The following MYO3B variants were observed in gnomAD, a reference collection of about 807,000 sequenced individuals.
MYO3B encodes the protein myosin-IIIb.
In MYO3B, 156 loss-of-function variants were observed where a neutral mutation model predicts 174.6. That is an observed-to-expected ratio of 0.89 (90% CI 0.78 to 1.02). MYO3B has a LOEUF of 1.02. Among genes scored for constraint, MYO3B ranks in the 50% least tolerant of loss-of-function variants. The pLI is 0.00. For missense variants in MYO3B, 1,632 were observed against 1,639.4 expected (o/e 1.00, Z 0.08); for synonymous variants, 563 against 569.1 (o/e 0.99, Z 0.15).
At chr2:170,515,693 C>G (rs1239109703) in intron 29 of MYO3B, among the ~76,000 whole-genome samples, 4 of 152,182 alleles carry the variant, frequency 2.6e-5, no homozygotes, top group Non-Finnish European at 5.9e-5. Context: ...AATGCCAGCA[C>G]CTGCATTTGA....
chr2:170,431,681 T>C (rs2094710252), intron 22 of MYO3B, among the ~76,000 whole-genome samples: 1 of 152,228 alleles, frequency 6.6e-6, no homozygotes, highest in East Asian at 1.9e-4. Flanking sequence ...CTTTGGGGCT[T>C]TGAATTTGCC....
chr2:170,318,003 A>G (rs553975360), intron 7 of MYO3B, among the ~76,000 whole-genome samples: 1 of 152,318 alleles, frequency 6.6e-6, no homozygotes, highest in East Asian at 1.9e-4. Context: ...CACCCAAATA[A>G]TAGAGTGACC....
intron 22 of MYO3B, among the ~76,000 whole-genome samples, chr2:170,439,075 G>GTTT (rs369103393): frequency 1.5e-5 from 2 of 131,796 alleles, no homozygotes; most frequent in Non-Finnish European, 3.2e-5. Flanking sequence ...TATTTAAATT[G>GTTT]TTTTTTTTTT....
At chr2:170,515,268 T>C (rs542335690) in intron 29 of MYO3B, among the ~76,000 whole-genome samples, 80 of 152,294 alleles carry the variant, frequency 5.3e-4, no homozygotes, top group African/African-American at 1.8e-3. Context: ...TCCACCTCCT[T>C]CCATGTTCCC....
At chr2:170,280,463 T>C (rs1189954580) in intron 7 of MYO3B, among the ~76,000 whole-genome samples, 2 of 152,202 alleles carry the variant, frequency 1.3e-5, no homozygotes, top group Non-Finnish European at 2.9e-5. Flanking sequence ...GCTCTTAAGT[T>C]TAATTAGATC....
chr2:170,195,858 C>A (rs2092594506), intron 1 of MYO3B, among the ~76,000 whole-genome samples: 4 of 152,196 alleles, frequency 2.6e-5, no homozygotes, highest in Admixed American at 2.0e-4. Context: ...GGTCAGGGAA[C>A]TCTGCCATTT....
At chr2:170,386,969 G>A in intron 13 of MYO3B, 137 bp from the exon 14 acceptor site, 1 of 718,842 alleles carries the variant, frequency 1.4e-6, no homozygotes, top group Non-Finnish European at 2.3e-6. Context: ...GATGCTGGTG[G>A]TTGATGCTAA....
At chr2:170,422,847 A>G (rs955767281) in intron 22 of MYO3B, among the ~76,000 whole-genome samples, 1 of 152,054 alleles carries the variant, frequency 6.6e-6, no homozygotes, top group African/African-American at 2.4e-5. Context: ...TATCAAAAGT[A>G]TTATTCAACA....
At chr2:170,497,400 A>C (rs902411354) in intron 25 of MYO3B, among the ~76,000 whole-genome samples, 3 of 151,936 alleles carry the variant, frequency 2.0e-5, no homozygotes, top group African/African-American at 7.3e-5. Flanking sequence ...GTGGATCACG[A>C]GGTCAGGAGA....
At chr2:170,340,213 G>C (rs1268933701) in intron 8 of MYO3B, 1 of 152,080 alleles carries the variant, frequency 6.6e-6, no homozygotes, top group Admixed American at 6.5e-5. Flanking sequence ...TTCTCATTTT[G>C]CCTCTATAAC....
At chr2:170,400,393 T>G in intron 17 of MYO3B, 79 bp downstream of exon 17, 1 of 1,464,284 alleles carries the variant, frequency 6.8e-7, no homozygotes, top group East Asian at 2.3e-5. Flanking sequence ...AATGCAGCAT[T>G]TGCTGGTCCT....
intron 7 of MYO3B, 89 bp downstream of exon 7, chr2:170,236,225 C>A (rs1483962325): frequency 1.3e-6 from 2 of 1,536,202 alleles, no homozygotes; most frequent in African/African-American, 2.7e-5. Flanking sequence ...AGCAATTTCT[C>A]TCCAAACCTG....
intron 32 of MYO3B, among the ~76,000 whole-genome samples, chr2:170,554,041 C>T (rs190183395): frequency 6.6e-6 from 1 of 152,322 alleles, no homozygotes; most frequent in Admixed American, 6.5e-5. Flanking sequence ...GTCAATTTCA[C>T]CTCTTTTCTT....
intron 18 of MYO3B, among the ~76,000 whole-genome samples, 183 bp downstream of exon 18, chr2:170,401,874 C>A (rs1388406098): frequency 2.0e-5 from 3 of 150,350 alleles, no homozygotes; most frequent in African/African-American, 7.3e-5. Flanking sequence ...ACGATCTCCG[C>A]TCACTGCAAC....
chr2:170,247,154 C>T (rs966560512), intron 7 of MYO3B, among the ~76,000 whole-genome samples: 1 of 152,120 alleles, frequency 6.6e-6, no homozygotes, highest in East Asian at 1.9e-4. Flanking sequence ...CTGAGTTCTT[C>T]CCAGACTCAG....
chr2:170,616,198 C>T (rs1040207513), intron 32 of MYO3B, among the ~76,000 whole-genome samples: 9 of 152,112 alleles, frequency 5.9e-5, no homozygotes, highest in African/African-American at 1.9e-4. Flanking sequence ...ATGCCTTAAC[C>T]CTAAAGAGGC....
intron 28 of MYO3B, among the ~76,000 whole-genome samples, chr2:170,504,170 G>A (rs1687473505): frequency 6.6e-6 from 1 of 152,162 alleles, no homozygotes; most frequent in Non-Finnish European, 1.5e-5. Context: ...AAGTGGCTTA[G>A]GGATGTTGTC....
intron 23 of MYO3B, among the ~76,000 whole-genome samples, chr2:170,458,702 G>A (rs1055510187): frequency 2.6e-5 from 4 of 152,180 alleles, no homozygotes; most frequent in Non-Finnish European, 4.4e-5. Flanking sequence ...TTGGAGCTCC[G>A]TGGAAGGCCT....
chr2:170,391,533 T>A lies in MYO3B; in HGVS notation c.1591T>A (p.Phe531Ile). The A allele has an allele frequency of 6.7e-7, 1 of 1,501,670 alleles. No homozygotes were observed. Among genetic ancestry groups the A allele is most frequent in the South Asian group, 1.3e-5 (1 of 77,292 alleles). 93.0% of individuals were successfully genotyped at this position (1,501,670 alleles called of 1,614,324 possible). A position where few individuals can be genotyped will look rare whatever the true frequency, so the allele number is the denominator to read the frequency against. ...TTTTTTTTTCAGGAGAGAGAAAAAT[T>A]TTCATATATTTTACTATATTTATGC... ...VIKQAAREKN[F>I]HIFYYIYAGL... Residue 531 changes from phenylalanine to isoleucine, a missense_variant, in exon 15 of 35, where the codon TTT becomes ATT. Coordinates refer to ENST00000408978, the MANE Select transcript of MYO3B (RefSeq NM_138995.5).
Sources: allele counts gnomAD v4.1 joint callset (sites outside exome capture counted in the v4.1 genomes callset), GRCh38; gene constraint gnomAD v4.1.1; transcripts MANE v1.5; gene names NCBI Gene and HGNC (gene_info 2026-07-23, HGNC 2026-07-21).